The following ELMO1 variants were observed in gnomAD, a reference collection of about 807,000 sequenced individuals.
The protein encoded by ELMO1 is engulfment and cell motility 1.
ELMO1 carries 26 observed loss-of-function variants against 98.9 expected under a neutral mutation model. The ratio of observed to expected loss-of-function variants is 0.26; its 90% CI spans 0.19 to 0.36. The LOEUF is 0.36. Ranked by LOEUF, ELMO1 falls within the 10% of genes least tolerant of loss-of-function variation. The pLI is 1.00. For synonymous variants in ELMO1, 346 were observed against 346.0 expected, an observed-to-expected ratio of 1.00 and a Z score of 0.00; for missense variants, 627 against 935.2, an observed-to-expected ratio of 0.67 and a Z score of 4.30.
intron 15 of ELMO1, among the ~76,000 whole-genome samples, chr7:37,060,743 A>ATTATT (rs1489414048): frequency 1.3e-5 from 2 of 152,226 alleles, no homozygotes. Flanking sequence ...CCCATAAAAT[A>ATTATT]TTAGGTCATT....
In ELMO1 at chr7:36,863,377, C is replaced by CT. The variant is rs199829556; in HGVS notation, c.1906-1642dup. On this transcript the variant is annotated intron_variant, in intron 20 of 21. Coordinates refer to ENST00000310758, the MANE Select transcript of ELMO1 (RefSeq NM_014800.11). ...GTTCCCATAACCATCTCTCTTGGGCCTTTTAATTTACAATTAAAATAGTCA... is the reference window on the plus strand; with the variant it reads ...GTTCCCATAACCATCTCTCTTGGGCCTTTTTAATTTACAATTAAAATAGTCA... Among the ~76,000 whole-genome samples, 69 of 152,154 alleles carry CT rather than the reference C, an allele frequency of 4.5e-4. 2 individuals carry two copies. The East Asian group carries it at 7.9e-3, about 17-fold the overall frequency.
chr7:37,108,870 A>C (rs1452325221), intron 14 of ELMO1, among the ~76,000 whole-genome samples: 1 of 152,190 alleles, frequency 6.6e-6, no homozygotes, highest in Middle Eastern at 3.2e-3. Context: ...CATCCCTTAC[A>C]TGAATACCAA....
intron 1 of ELMO1, among the ~76,000 whole-genome samples, chr7:37,374,202 G>C (rs1468687072): frequency 6.6e-6 from 1 of 152,176 alleles, no homozygotes; most frequent in Non-Finnish European, 1.5e-5. Flanking sequence ...CCTAACACCA[G>C]TATGCCAGTG....
At chr7:37,062,565 T>C (rs1226580522) in intron 15 of ELMO1, among the ~76,000 whole-genome samples, 1 of 152,104 alleles carries the variant, frequency 6.6e-6, no homozygotes, top group East Asian at 1.9e-4. Flanking sequence ...CTTTCTCCTT[T>C]CCCCAACAAT....
chr7:37,052,822 G>A (rs374789867), intron 15 of ELMO1, among the ~76,000 whole-genome samples: 3 of 152,188 alleles, frequency 2.0e-5, no homozygotes, highest in African/African-American at 7.2e-5. Flanking sequence ...ACCTTAGCCT[G>A]GGAGGAAGCC....
rs114259018 is a variant in ELMO1, at chr7:37,118,233, C to T, written c.1191+14897G>A. 6.5e-3 allele frequency among the ~76,000 whole-genome samples: 994 copies of T among 152,276 alleles called. 4 individuals carry two copies. The highest frequency in any genetic ancestry group is 0.023 in the African/African-American group (962 of 41,542). On this transcript the variant is annotated intron_variant, in intron 14 of 21. Transcript: ENST00000310758. ...CTTAATGCACAGAGGCTACTTGGTT[C>T]CTGTTCCCTTCAATGCATACTGTTG...
chr7:37,397,300 A>C (rs1803337430), intron 1 of ELMO1, among the ~76,000 whole-genome samples: 1 of 152,242 alleles, frequency 6.6e-6, no homozygotes, highest in Non-Finnish European at 1.5e-5. Context: ...CAACACTTAA[A>C]ATATCTCATG....
chr7:36,881,587 TA>T (rs1804463820), intron 18 of ELMO1, among the ~76,000 whole-genome samples: 3 of 152,306 alleles, frequency 2.0e-5, no homozygotes, highest in Middle Eastern at 6.8e-3. Flanking sequence ...GAGAGTACGT[TA>T]ATAGCCAGGC....
At chr7:37,174,323 T>C (rs984546841) in intron 13 of ELMO1, among the ~76,000 whole-genome samples, 5 of 152,182 alleles carry the variant, frequency 3.3e-5, no homozygotes, top group African/African-American at 1.2e-4. Flanking sequence ...CAAACCTACT[T>C]CACTATGAAT....
At chr7:36,934,806 G>A (rs1471127537) in intron 16 of ELMO1, among the ~76,000 whole-genome samples, 1 of 152,190 alleles carries the variant, frequency 6.6e-6, no homozygotes, top group African/African-American at 2.4e-5. Context: ...AAAGAAAAAT[G>A]CACAGAAGGA....
At chr7:37,433,735 G>A (rs1229573633) in intron 1 of ELMO1, among the ~76,000 whole-genome samples, 1 of 152,080 alleles carries the variant, frequency 6.6e-6, no homozygotes, top group Non-Finnish European at 1.5e-5. Flanking sequence ...CCCCAAAAAC[G>A]AATTCTCCTG....
chr7:37,038,736 T>A (rs1258576115), intron 15 of ELMO1, among the ~76,000 whole-genome samples: 1 of 152,204 alleles, frequency 6.6e-6, no homozygotes, highest in Non-Finnish European at 1.5e-5. Flanking sequence ...AATTTCTTTG[T>A]TTTTACAGTT....
At chr7:36,857,038 T>C (rs1043526691) in intron 21 of ELMO1, among the ~76,000 whole-genome samples, 6 of 152,196 alleles carry the variant, frequency 3.9e-5, no homozygotes, top group Admixed American at 6.5e-5. Context: ...CATGATGTGA[T>C]GGAAATCTTC....
rs191277328 is a variant in ELMO1 at position 37,336,092 on chromosome 7, T to C, written c.78+6521A>G. On this transcript the variant is annotated intron_variant, in intron 2 of 21. Transcript: ENST00000310758. The stretch of plus-strand genomic sequence containing the variant: ...AAATACAAAGACTAGCTGGTCATGG[T>C]GGTGCACACCTGTAATCTCAGCTAC... 1.7e-3 allele frequency among the ~76,000 whole-genome samples: 231 copies of C among 136,936 alleles called. 4 individuals carry two copies. The highest frequency in any genetic ancestry group is 3.7e-4 in the Non-Finnish European group (24 of 64,726). The allele number at this position is 136,936 out of a possible 152,430, so 89.8% of individuals were successfully genotyped here.
rs942959372 is a variant in ELMO1 at position 37,158,877 on chromosome 7, C to T, written c.1087-25643G>A. On this transcript the variant is annotated intron_variant, in intron 13 of 21. Transcript: ENST00000310758. ...CATGTATGTTTATTGTGGCACTATT[C>T]GCAATAGCAAGACTTGGAACCAACC... is the stretch of plus-strand genomic sequence containing the variant. Among the ~76,000 whole-genome samples the T allele has an allele frequency of 7.9e-5, 12 of 152,228 alleles. No individual in the cohort carries two copies. The South Asian group carries it at 1.2e-3, about 16-fold the overall frequency.
intron 8 of ELMO1, among the ~76,000 whole-genome samples, chr7:37,232,242 T>C (rs1157138397): frequency 1.3e-5 from 2 of 152,238 alleles, no homozygotes; most frequent in African/African-American, 4.8e-5. Context: ...TGAAATTCTC[T>C]TTCCAGTAAC....
chr7:36,888,732 C>A (rs187879885), intron 17 of ELMO1, among the ~76,000 whole-genome samples: 1 of 152,336 alleles, frequency 6.6e-6, no homozygotes, highest in Admixed American at 6.5e-5. Context: ...GCCAAACAGT[C>A]CATAGGCCCA....
intron 13 of ELMO1, among the ~76,000 whole-genome samples, chr7:37,163,633 A>G (rs920042951): frequency 3.9e-5 from 6 of 151,944 alleles, no homozygotes; most frequent in Admixed American, 6.6e-5. Context: ...GAGAATGATG[A>G]TTTCCAATTT....
At chr7:36,937,151 C>T (rs1786607183) in intron 16 of ELMO1, among the ~76,000 whole-genome samples, 1 of 152,206 alleles carries the variant, frequency 6.6e-6, no homozygotes, top group East Asian at 1.9e-4. Context: ...ATGCTGAAGT[C>T]CTCACACCAG....
Sources: allele counts gnomAD v4.1 joint callset (sites outside exome capture counted in the v4.1 genomes callset), GRCh38; gene constraint gnomAD v4.1.1; transcripts MANE v1.5; gene names NCBI Gene and HGNC (gene_info 2026-07-23, HGNC 2026-07-21).